Variants in FBN1 observed in about 807,000 individuals in gnomAD.
FBN1 encodes fibrillin-1.
FBN1 carries 29 observed loss-of-function variants against 365.1 expected under a neutral mutation model. The ratio of observed to expected loss-of-function variants is 0.08; its 90% CI spans 0.06 to 0.11. The LOEUF is 0.11. FBN1 is among the 10% of genes least tolerant of loss of function. The pLI, the probability that FBN1 is intolerant of heterozygous loss-of-function variation, is 1.00. For missense variants in FBN1, 2,476 were observed against 3,703.2 expected (o/e 0.67, Z 8.60); for synonymous variants, 1,210 against 1,270.5 (o/e 0.95, Z 1.01).
chr15:48,474,385 A>G lies in FBN1; in HGVS notation c.4088-8T>C, dbSNP rs780882174. On this transcript the variant is annotated splice_region_variant and splice_polypyrimidine_tract_variant and intron_variant, in intron 33 of 65. Coordinates refer to ENST00000316623, the MANE Select transcript of FBN1 (RefSeq NM_000138.5). ...TGGAACATTCGTCCAGATCTTATAG[A>G]AAAAGGTTATATCATTATTAACAGA... 1.9e-6 allele frequency: 3 copies of G among 1,613,982 alleles called. No individual in the cohort carries two copies. In the African/African-American group the frequency reaches 4.0e-5, roughly 22 times the overall value.
At chr15:48,620,649 T>A (rs1289498301) in intron 2 of FBN1, among the ~76,000 whole-genome samples, 1 of 152,200 alleles carries the variant, frequency 6.6e-6, no homozygotes, top group Non-Finnish European at 1.5e-5. Flanking sequence ...TAATGATCAT[T>A]TTTGATAGAT....
At chr15:48,546,786 G>T (rs1382348889) in intron 6 of FBN1, among the ~76,000 whole-genome samples, 1 of 152,138 alleles carries the variant, frequency 6.6e-6, no homozygotes, top group Non-Finnish European at 1.5e-5. Context: ...GCATAGAAAG[G>T]GTGGAAGGCC....
intron 2 of FBN1, among the ~76,000 whole-genome samples, chr15:48,640,253 T>C (rs1890174911): frequency 6.6e-6 from 1 of 152,214 alleles, no homozygotes; most frequent in Non-Finnish European, 1.5e-5. Context: ...ATAAATATTT[T>C]GTCTCTACCT....
At chr15:48,462,554 A>G (rs2043287287) in intron 42 of FBN1, among the ~76,000 whole-genome samples, 1 of 85,122 alleles carries the variant, frequency 1.2e-5, no homozygotes. Context: ...ATTATTGCTT[A>G]TTTCAGGCAA....
At chr15:48,470,963 TA>T (rs1320575212) in intron 35 of FBN1, among the ~76,000 whole-genome samples, 1 of 152,176 alleles carries the variant, frequency 6.6e-6, no homozygotes, top group Non-Finnish European at 1.5e-5. Context: ...CAGTCTCTAT[TA>T]CATGCCAAGC....
chr15:48,604,494 G>A (rs888549637), intron 4 of FBN1, among the ~76,000 whole-genome samples: 1 of 152,146 alleles, frequency 6.6e-6, no homozygotes, highest in Admixed American at 6.5e-5. Flanking sequence ...GATGTCTGGG[G>A]ATGCCTAAAG....
At chr15:48,530,716 C>T (rs1325890036) in intron 8 of FBN1, among the ~76,000 whole-genome samples, 3 of 152,116 alleles carry the variant, frequency 2.0e-5, no homozygotes, top group Admixed American at 6.5e-5. Flanking sequence ...AGGATAAGAG[C>T]CCCTAACAGT....
intron 17 of FBN1, among the ~76,000 whole-genome samples, chr15:48,503,239 G>C (rs113741266): frequency 0.078 from 11,505 of 148,122 alleles, 479 homozygotes; most frequent in Middle Eastern, 0.14. Flanking sequence ...GGAGGTGGCA[G>C]TGAGCTGAGA....
At chr15:48,441,127 C>T (rs976114451) in intron 50 of FBN1, among the ~76,000 whole-genome samples, 2 of 152,110 alleles carry the variant, frequency 1.3e-5, no homozygotes, top group Admixed American at 1.3e-4. Flanking sequence ...AGTTCAGGAT[C>T]CTTTTGATTT....
At chr15:48,494,386 A>C in intron 22 of FBN1, 132 bp from the exon 23 acceptor site, 1 of 722,158 alleles carries the variant, frequency 1.4e-6, no homozygotes, top group Non-Finnish European at 2.5e-6. Context: ...TGCTATAAGT[A>C]TGAGATAACA....
intron 36 of FBN1, among the ~76,000 whole-genome samples, chr15:48,469,083 T>TATATATATATAAAATAAAATATATATTAC (rs2043347444): frequency 8.4e-6 from 1 of 118,764 alleles, no homozygotes. Flanking sequence ...AAAAAAAATA[T>TATATATATATAAAATAAAATATATATTAC]ATATATATAT....
intron 6 of FBN1, 63 bp from the exon 7 acceptor site, chr15:48,537,871 A>G (rs2044027437): frequency 2.7e-6 from 4 of 1,508,698 alleles, no homozygotes; most frequent in South Asian, 1.1e-5. Context: ...ATGCAGAGGA[A>G]CAGCTGTGCT....
intron 6 of FBN1, among the ~76,000 whole-genome samples, chr15:48,585,166 T>G (rs550845037): frequency 1.1e-4 from 16 of 152,308 alleles, no homozygotes; most frequent in African/African-American, 3.9e-4. Flanking sequence ...TTCAGCGTGG[T>G]TCAGTGCCTA....
In FBN1 at chr15:48,499,096, G is replaced by A. The variant is rs1037917513; in HGVS notation, c.2114-58C>T. On this transcript the variant is annotated intron_variant, in intron 17 of 65. Transcript: ENST00000316623. ...CTTGTTTGCAGAACAGGTAGATCCT[G>A]CCCTTGGTTTTGCACACATCATTTC... The A allele has an allele frequency of 5.7e-6, 9 of 1,567,332 alleles. No individual in the cohort carries two copies. The African/African-American group carries it at 1.1e-4, about 19-fold the overall frequency.
intron 24 of FBN1, among the ~76,000 whole-genome samples, chr15:48,490,967 C>G (rs2043553318): frequency 6.6e-6 from 1 of 152,206 alleles, no homozygotes; most frequent in South Asian, 2.1e-4. Flanking sequence ...GGGTCATTAA[C>G]AATATATCTA....
chr15:48,580,878 G>A (rs1004846792), intron 6 of FBN1, among the ~76,000 whole-genome samples: 1 of 152,090 alleles, frequency 6.6e-6, no homozygotes, highest in African/African-American at 2.4e-5. Context: ...ATCAAGTATA[G>A]CGAGCCAGAG....
At chr15:48,636,015 A>G (rs1019493217) in intron 2 of FBN1, among the ~76,000 whole-genome samples, 1 of 152,212 alleles carries the variant, frequency 6.6e-6, no homozygotes, top group Non-Finnish European at 1.5e-5. Context: ...TCAAAGATCT[A>G]TTGCCTCACA....
At chr15:48,415,401 G>C (rs1434277829) in intron 64 of FBN1, 135 bp downstream of exon 64, 1 of 745,338 alleles carries the variant, frequency 1.3e-6, no homozygotes, top group African/African-American at 1.8e-5. Flanking sequence ...CTTTTGCCAA[G>C]CTAACTGGAA....
chr15:48,437,166 TTATC>T (rs1163597920), intron 52 of FBN1, 89 bp from the exon 53 acceptor site: 20 of 1,153,954 alleles, frequency 1.7e-5, no homozygotes, highest in African/African-American at 1.2e-4. Context: ...AATCAAAAGA[TTATC>T]TAATAATGCA....
Sources: gnomAD v4.1 joint callset for allele counts (sites outside exome capture counted in the v4.1 genomes callset) on GRCh38, gnomAD v4.1.1 for gene constraint, MANE v1.5 for transcripts, NCBI Gene and HGNC (gene_info 2026-07-23, HGNC 2026-07-21) for gene names.